The following ACSM2B variants were observed in gnomAD, a reference collection of about 807,000 sequenced individuals.
The protein encoded by ACSM2B is acyl-coenzyme A synthetase ACSM2B, mitochondrial.
In ACSM2B, 58 loss-of-function variants were observed where a neutral mutation model predicts 78.6. The ratio of observed to expected loss-of-function variants is 0.74; its 90% CI spans 0.60 to 0.92. The LOEUF (loss-of-function observed/expected upper bound fraction) is 0.92, where lower values mean the gene tolerates loss of function less well. Among genes scored for constraint, ACSM2B ranks in the 40% least tolerant of loss-of-function variants. The probability of loss-of-function intolerance (pLI) is 0.00; values close to 1 mark genes in which losing one functional copy is unlikely to be tolerated. For missense variants in ACSM2B, 688 were observed against 711.2 expected (o/e 0.97, Z 0.37); for synonymous variants, 257 against 256.8 (o/e 1.00, Z -0.01).
chr16:20,564,331 A>G (rs1421992515), intron 2 of ACSM2B, among the ~76,000 whole-genome samples: 1 of 151,742 alleles, frequency 6.6e-6, no homozygotes, highest in African/African-American at 2.4e-5. Context: ...CTATTATTAG[A>G]TTCAAACCCG....
intron 5 of ACSM2B, 131 bp from the exon 6 acceptor site, chr16:20,552,428 G>A (rs2152137561): frequency 2.3e-6 from 3 of 1,332,234 alleles, no homozygotes; most frequent in East Asian, 2.4e-5. Context: ...CAGGTTTATA[G>A]GCATATGTTT....
At chr16:20,539,160 C>G (rs1461015654) in intron 13 of ACSM2B, among the ~76,000 whole-genome samples, 5 of 146,016 alleles carry the variant, frequency 3.4e-5, no homozygotes, top group African/African-American at 1.0e-4. Context: ...ACAGTGCAAC[C>G]TCACCGTCTG....
intron 3 of ACSM2B, among the ~76,000 whole-genome samples, chr16:20,557,216 CT>C (rs35237336): frequency 0.18 from 27,652 of 151,942 alleles, 3,516 homozygotes; most frequent in East Asian, 0.69. Flanking sequence ...CTTGTTATCA[CT>C]TCTTGAACAT....
At position 20,537,276 on chromosome 16, in the gene ACSM2B, T is replaced by C; in HGVS notation, c.1716A>G (p.Gly572=). 1.2e-6 allele frequency: 2 copies of C among 1,614,062 alleles called. No homozygotes were observed. The highest frequency in any genetic ancestry group is 8.5e-7 in the Non-Finnish European group (1 of 1,179,912). Residue 572 remains glycine (G), a synonymous_variant, in exon 14 of 14, where the codon GGA becomes GGG. Coordinates refer to ENST00000329697, the MANE Select transcript of ACSM2B (RefSeq NM_001105069.2). Reference sequence around the variant, plus strand: ...AGACGCCTCACTGCGCACGGGCTTTTCCGGACATCTTCCACTCCTTGTCTC... The same window carrying C: ...AGACGCCTCACTGCGCACGGGCTTTCCCGGACATCTTCCACTCCTTGTCTC... ...KLRDKEWKMS[G]KARAQ
At chr16:20,574,587 C>A (rs1194654314) in intron 1 of ACSM2B, 1 of 151,314 alleles carries the variant, frequency 6.6e-6, no homozygotes, top group African/African-American at 2.4e-5. Flanking sequence ...GAAATCTTCA[C>A]AATTTATGTT....
intron 1 of ACSM2B, among the ~76,000 whole-genome samples, chr16:20,565,408 A>G (rs2015795768): frequency 6.6e-6 from 1 of 152,134 alleles, no homozygotes; most frequent in Non-Finnish European, 1.5e-5. Flanking sequence ...GTACCTTCAG[A>G]CTGGGACCCA....
intron 6 of ACSM2B, chr16:20,549,682 T>C: frequency 2.4e-6 from 1 of 410,320 alleles, no homozygotes; most frequent in South Asian, 1.8e-5. Flanking sequence ...CAGGAGGTCC[T>C]GAGAACACGT....
At chr16:20,562,684 C>G (rs572024157) in intron 2 of ACSM2B, among the ~76,000 whole-genome samples, 1 of 152,090 alleles carries the variant, frequency 6.6e-6, no homozygotes, top group East Asian at 1.9e-4. Context: ...ATGGTAGGGG[C>G]CTCAATTCTG....
rs185674716 is a variant in ACSM2B at position 20,549,022 on chromosome 16, G to A, written c.895-549C>T. 3.9e-5 allele frequency among the ~76,000 whole-genome samples: 6 copies of A among 152,296 alleles called. No homozygotes were observed. In the East Asian group the frequency reaches 1.2e-3, roughly 29 times the overall value. On this transcript the variant is annotated intron_variant, in intron 6 of 13. Coordinates refer to ENST00000329697, the MANE Select transcript of ACSM2B (RefSeq NM_001105069.2). Reference sequence around the variant, plus strand: ...TAGTACTGAATACTTGCCATGTCCTGTGTTACCTCATTTAATTTTTCCAAT... The same window carrying A: ...TAGTACTGAATACTTGCCATGTCCTATGTTACCTCATTTAATTTTTCCAAT...
At chr16:20,552,105 T>C in intron 6 of ACSM2B, 39 bp downstream of exon 6, 1 of 1,557,734 alleles carries the variant, frequency 6.4e-7, no homozygotes, top group Non-Finnish European at 8.6e-7. Flanking sequence ...AACCTCGGGC[T>C]CACTCTGAAT....
chr16:20,563,441 T>A (rs1864652496), intron 2 of ACSM2B, among the ~76,000 whole-genome samples: 1 of 152,198 alleles, frequency 6.6e-6, no homozygotes, highest in Non-Finnish European at 1.5e-5. Flanking sequence ...TAGTCATTTA[T>A]TTTGCTAATG....
intron 13 of ACSM2B, among the ~76,000 whole-genome samples, chr16:20,539,888 G>T (rs1316814834): frequency 6.6e-6 from 1 of 152,180 alleles, no homozygotes; most frequent in Non-Finnish European, 1.5e-5. Flanking sequence ...GTCAAAGGGT[G>T]AAAGAGAGAC....
chr16:20,545,251 T>C lies in ACSM2B; in HGVS notation c.1187A>G (p.Asp396Gly). Residue 396 changes from aspartate (D) to glycine (G), a missense_variant, in exon 10 of 14, where the codon GAT becomes GGT. Transcript: ENST00000329697. The part of the protein sequence containing the change: ...AASCYDVQVI[D>G]DKGNVLPPGT... ...GGGGGGCAGGACGTTGCCCTTATCA[T>C]CTATAACCTGGAGAAAGAAGCATAT... is the stretch of plus-strand genomic sequence containing the variant. 1.9e-6 allele frequency: 3 copies of C among 1,613,184 alleles called. No individual in the cohort carries two copies. The highest frequency in any genetic ancestry group is 4.5e-5 in the East Asian group (2 of 44,838).
In ACSM2B at chr16:20,547,076, G is replaced by A. The variant is rs1309225061; in HGVS notation, c.1099-602C>T. ...TGGATGCCTCACTGACAGAGACACA[G>A]ATTGTCATTTTCTCAGATCTAGCCT... On this transcript the variant is annotated intron_variant, in intron 8 of 13. Coordinates refer to ENST00000329697, the MANE Select transcript of ACSM2B (RefSeq NM_001105069.2). 7.3e-6 allele frequency: 7 copies of A among 954,946 alleles called. No homozygotes were observed. The African/African-American group carries it at 1.2e-4, about 17-fold the overall frequency. The allele number at this position is 954,946 out of a possible 1,614,324, so 59.2% of individuals were successfully genotyped here.
At chr16:20,560,150 C>T (rs80322810) in intron 2 of ACSM2B, among the ~76,000 whole-genome samples, 7,131 of 150,854 alleles carry the variant, frequency 0.047, 977 homozygotes, top group African/African-American at 0.17. Flanking sequence ...ACTCTGTCCC[C>T]GTTACACAAT....
In ACSM2B at chr16:20,536,651, T is replaced by C. The variant is rs1470886128; in HGVS notation, c.*607A>G. On this transcript the variant is annotated 3_prime_UTR_variant, in exon 14 of 14. Coordinates refer to ENST00000329697, the MANE Select transcript of ACSM2B (RefSeq NM_001105069.2). ...AGTTTTATGCTTGACTTTGTCTATC[T>C]GTGGGAATATTTATAGGTTTTCCTC... 6.6e-6 allele frequency: 1 copy of C among 152,194 alleles called. No homozygotes were observed. The highest frequency in any genetic ancestry group is 1.5e-5 in the Non-Finnish European group (1 of 68,046). 9.4% of individuals were successfully genotyped at this position (152,194 alleles called of 1,614,324 possible).
chr16:20,537,193 C>A lies in ACSM2B; in HGVS notation c.*65G>T. 1 of 1,584,416 alleles carries A rather than the reference C, an allele frequency of 6.3e-7. No homozygotes were observed. The highest frequency in any genetic ancestry group is 8.7e-7 in the Non-Finnish European group (1 of 1,155,328). On this transcript the variant is annotated 3_prime_UTR_variant, in exon 14 of 14. Transcript: ENST00000329697. ...GAATCTCATATCATCATAGTAAGGC[C>A]AAGGGCCCAAAGGGAAAAGAAAGAG...
chr16:20,569,857 G>T (rs551139768), intron 1 of ACSM2B, among the ~76,000 whole-genome samples: 4 of 151,756 alleles, frequency 2.6e-5, no homozygotes, highest in Non-Finnish European at 4.4e-5. Flanking sequence ...TTAATTCTCA[G>T]CTTGGTTGCT....
chr16:20,562,220 C>T (rs2015681797), intron 2 of ACSM2B, among the ~76,000 whole-genome samples: 1 of 151,946 alleles, frequency 6.6e-6, no homozygotes, highest in Non-Finnish European at 1.5e-5. Flanking sequence ...ATAGCTGTAA[C>T]ATTTTACATA....
Sources: gnomAD v4.1 joint callset for allele counts (sites outside exome capture counted in the v4.1 genomes callset) on GRCh38, gnomAD v4.1.1 for gene constraint, MANE v1.5 for transcripts, NCBI Gene and HGNC (gene_info 2026-07-23, HGNC 2026-07-21) for gene names.